The following CTSS variants were observed in gnomAD, a reference collection of about 807,000 sequenced individuals.
The protein encoded by CTSS is cathepsin S.
In CTSS, 15 loss-of-function variants were observed where a neutral mutation model predicts 39.9. The observed-to-expected ratio is 0.38, with a 90% CI of 0.25 to 0.58. The LOEUF is 0.58. Ranked by LOEUF, CTSS falls within the 20% of genes least tolerant of loss-of-function variation. The probability of loss-of-function intolerance (pLI) is 0.70; values close to 1 mark genes in which losing one functional copy is unlikely to be tolerated. For missense variants in CTSS, 250 were observed against 398.2 expected, an observed-to-expected ratio of 0.63 and a Z score of 3.17; for synonymous variants, 126 against 138.2, an observed-to-expected ratio of 0.91 and a Z score of 0.62.
At chr1:150,747,045 C>T (rs1193315244) in intron 7 of CTSS, among the ~76,000 whole-genome samples, 1 of 152,022 alleles carries the variant, frequency 6.6e-6, no homozygotes, top group Admixed American at 6.6e-5. Context: ...AGCAATAGTC[C>T]ACACTAGAGA....
chr1:150,760,292 A>C (rs979347014), intron 2 of CTSS, among the ~76,000 whole-genome samples: 1 of 152,202 alleles, frequency 6.6e-6, no homozygotes, highest in African/African-American at 2.4e-5. Flanking sequence ...AAAGCATTTG[A>C]CAGAATTCAA....
intron 3 of CTSS, among the ~76,000 whole-genome samples, chr1:150,756,381 A>T (rs752953690): frequency 7.2e-5 from 11 of 152,256 alleles, no homozygotes; most frequent in Non-Finnish European, 1.2e-4. Context: ...AATTAAAAGT[A>T]TAGTATAGTA....
intron 7 of CTSS, among the ~76,000 whole-genome samples, chr1:150,747,137 T>C (rs755711105): frequency 2.6e-5 from 4 of 152,162 alleles, no homozygotes; most frequent in Admixed American, 1.3e-4. Context: ...GTTTGACTAA[T>C]TGGTTGCTTG....
chr1:150,749,944 G>C, intron 6 of CTSS, 62 bp downstream of exon 6: 1 of 1,414,308 alleles, frequency 7.1e-7, no homozygotes, highest in Non-Finnish European at 9.5e-7. Context: ...GAACCACCGT[G>C]CTCAGCCAAT....
In CTSS at chr1:150,763,742, CATCAGCAAGTGTG is replaced by C. The variant is rs587629501; in HGVS notation, c.126+883_126+895del. Among the ~76,000 whole-genome samples, 216 of 152,246 alleles carry C rather than the reference CATCAGCAAGTGTG, an allele frequency of 1.4e-3. 1 individual carries two copies. The highest frequency in any genetic ancestry group is 4.8e-3 in the African/African-American group (199 of 41,524). ...TAAAGCAGTAGGGTTAAGGTCTTAA[CATCAGCAAGTGTG>C]CTTTGAAATAAAAACAAAAGTACAA... On this transcript the variant is annotated intron_variant, in intron 2 of 7. Coordinates refer to ENST00000368985, the MANE Select transcript of CTSS (RefSeq NM_004079.5).
intron 4 of CTSS, among the ~76,000 whole-genome samples, chr1:150,753,053 C>T (rs1227158224): frequency 4.6e-5 from 7 of 152,020 alleles, no homozygotes; most frequent in Non-Finnish European, 7.4e-5. Flanking sequence ...CAGGGCCTCA[C>T]TATATTGCCT....
chr1:150,732,789 A>T lies in CTSS; in HGVS notation c.*257T>A, dbSNP rs914901212. On this transcript the variant is annotated 3_prime_UTR_variant, in exon 8 of 8. Transcript: ENST00000368985. The stretch of plus-strand genomic sequence containing the variant: ...TGCTCGGCTAATTTTTTGTATTTTT[A>T]GTAGAGATGGGGTTTCACCATGTTA... 2 of 270,890 alleles carry T rather than the reference A, an allele frequency of 7.4e-6. No individual in the cohort carries two copies. The highest frequency in any genetic ancestry group is 1.4e-5 in the Non-Finnish European group (2 of 140,532). 16.8% of individuals were successfully genotyped at this position (270,890 alleles called of 1,614,324 possible). A position where few individuals can be genotyped will look rare whatever the true frequency, so the allele number is the denominator to read the frequency against.
At chr1:150,737,021 A>T (rs1451729164) in intron 7 of CTSS, among the ~76,000 whole-genome samples, 1 of 152,250 alleles carries the variant, frequency 6.6e-6, no homozygotes, top group Non-Finnish European at 1.5e-5. Flanking sequence ...TTTGGTATAT[A>T]GCCAATGCTT....
intron 2 of CTSS, among the ~76,000 whole-genome samples, chr1:150,760,080 G>A (rs1571106822): frequency 6.6e-6 from 1 of 151,136 alleles, no homozygotes; most frequent in Non-Finnish European, 1.5e-5. Flanking sequence ...GGTAGGATAC[G>A]AATCAAAAGT....
chr1:150,760,452 A>G (rs1038325921), intron 2 of CTSS, among the ~76,000 whole-genome samples: 1 of 152,232 alleles, frequency 6.6e-6, no homozygotes, highest in Non-Finnish European at 1.5e-5. Context: ...GAAAAAGACA[A>G]GGGTACCCAC....
intron 4 of CTSS, among the ~76,000 whole-genome samples, chr1:150,754,062 T>C (rs933185027): frequency 4.6e-5 from 7 of 151,994 alleles, no homozygotes; most frequent in Non-Finnish European, 1.0e-4. Context: ...TCAAGTTCCT[T>C]ATATAAATTA....
Position 150,750,847 on chromosome 1 carries a change from G to A in CTSS, c.628-676C>T, listed in dbSNP as rs371743311. Among the ~76,000 whole-genome samples the A allele has an allele frequency of 1.7e-4, 26 of 152,096 alleles. No individual in the cohort carries two copies. In the East Asian group the frequency reaches 1.9e-3, roughly 11 times the overall value. ...AGTAGAGGTGAGGTCTCACTATGTT[G>A]CACAGGCTGGTCTCAAACTCTTGAG... On this transcript the variant is annotated intron_variant, in intron 5 of 7. Transcript: ENST00000368985.
rs1344373451 is a variant in CTSS at position 150,730,591 on chromosome 1, T to G, written c.*2455A>C. 1 of 152,172 alleles carries G rather than the reference T, an allele frequency of 6.6e-6. No homozygotes were observed. Among genetic ancestry groups the G allele is most frequent in the Non-Finnish European group, 1.5e-5 (1 of 68,024 alleles). The allele number at this position is 152,172 out of a possible 1,614,324, so 9.4% of individuals were successfully genotyped here. Reference sequence around the variant, plus strand: ...CAGAGTCACCTTCCTGCTTCTGCAATTTCCTCAAATGCCTTCAGCTTAAAA... The same window carrying G: ...CAGAGTCACCTTCCTGCTTCTGCAAGTTCCTCAAATGCCTTCAGCTTAAAA... On this transcript the variant is annotated 3_prime_UTR_variant, in exon 8 of 8. Transcript: ENST00000368985.
chr1:150,761,335 C>T (rs587642099), intron 2 of CTSS, among the ~76,000 whole-genome samples: 4 of 152,198 alleles, frequency 2.6e-5, no homozygotes, highest in Non-Finnish European at 5.9e-5. Flanking sequence ...ATTAGGAAAA[C>T]AATTCTATTT....
At chr1:150,734,815 T>G (rs1652601092) in intron 7 of CTSS, among the ~76,000 whole-genome samples, 1 of 152,190 alleles carries the variant, frequency 6.6e-6, no homozygotes, top group Non-Finnish European at 1.5e-5. Flanking sequence ...ATATTCTTAT[T>G]TTTCTTACTT....
rs1571101417 is a variant in CTSS at position 150,751,810 on chromosome 1, A to C, written c.598T>G (p.Ser200Ala). The C allele has an allele frequency of 6.2e-7, 1 of 1,614,184 alleles. No homozygotes were observed. Among genetic ancestry groups the C allele is most frequent in the South Asian group, 1.1e-5 (1 of 91,080 alleles). ...QYIIDNKGID[S>A]DASYPYKAMD... ...GCTTTGTAGGGATAGGAAGCGTCTG[A>C]GTCGATGCCCTTGTTATCAATGATG... is the stretch of plus-strand genomic sequence containing the variant. Residue 200 changes from serine to alanine, a missense_variant, in exon 5 of 8, where the codon TCA (serine) becomes GCA (alanine). Physicochemically the swap from Ser to Ala is moderately conservative, Grantham distance 99. Transcript: ENST00000368985.
rs1300591529 is a variant in CTSS, at chr1:150,744,497, CATAATATA to C, written c.896+3272_896+3279del. Among the ~76,000 whole-genome samples the C allele has an allele frequency of 1.7e-3, 97 of 56,276 alleles. 1 individual carries two copies. The highest frequency in any genetic ancestry group is 6.0e-3 in the African/African-American group (94 of 15,588). The allele number at this position is 56,276 out of a possible 152,430, so 36.9% of individuals were successfully genotyped here. A position where few individuals can be genotyped will look rare whatever the true frequency, so the allele number is the denominator to read the frequency against. On this transcript the variant is annotated intron_variant, in intron 7 of 7. Coordinates refer to ENST00000368985, the MANE Select transcript of CTSS (RefSeq NM_004079.5). ...ATATATTATATGTATATTATGTATA[CATAATATA>C]TTATATATTATATGTATATTATGTA...
At chr1:150,761,590 G>A (rs1314347809) in intron 2 of CTSS, among the ~76,000 whole-genome samples, 2 of 152,032 alleles carry the variant, frequency 1.3e-5, no homozygotes, top group African/African-American at 4.8e-5. Flanking sequence ...AATTACCCGG[G>A]CGTGGTGGCA....
rs983366290 is a variant in CTSS, at chr1:150,736,483, T to C, written c.897-3338A>G. On this transcript the variant is annotated intron_variant, in intron 7 of 7. Transcript: ENST00000368985. The stretch of plus-strand genomic sequence containing the variant: ...TCAGACCAGTACATCTAGGATCTCA[T>C]GTAATTTATATCCTACTATGGTCAC... 3.3e-5 allele frequency among the ~76,000 whole-genome samples: 5 copies of C among 152,202 alleles called. No individual in the cohort carries two copies. In the East Asian group the frequency reaches 5.8e-4, roughly 18 times the overall value.
Sources: allele counts gnomAD v4.1 joint callset (sites outside exome capture counted in the v4.1 genomes callset), GRCh38; gene constraint gnomAD v4.1.1; transcripts MANE v1.5; gene names NCBI Gene and HGNC (gene_info 2026-07-23, HGNC 2026-07-21).